Variants in TTLL11 observed in about 807,000 individuals in gnomAD.
The protein encoded by TTLL11 is tubulin polyglutamylase TTLL11.
TTLL11 carries 42 observed loss-of-function variants against 51.7 expected under a neutral mutation model. The ratio of observed to expected loss-of-function variants is 0.81; its 90% CI spans 0.64 to 1.05. TTLL11 has a LOEUF of 1.05. Ranked by LOEUF, TTLL11 falls within the 50% of genes least tolerant of loss-of-function variation. The pLI, the probability that TTLL11 is intolerant of heterozygous loss-of-function variation, is 0.00. For missense variants in TTLL11, 799 were observed against 940.4 expected (o/e 0.85, Z 1.97); for synonymous variants, 381 against 383.5 (o/e 0.99, Z 0.08).
intron 7 of TTLL11, among the ~76,000 whole-genome samples, chr9:121,869,485 T>A (rs1838279046): frequency 6.6e-6 from 1 of 152,230 alleles, no homozygotes; most frequent in Non-Finnish European, 1.5e-5. Flanking sequence ...TGCTAAGGAA[T>A]AATTCACTGT....
intron 3 of TTLL11, among the ~76,000 whole-genome samples, chr9:122,013,194 T>C (rs538429409): frequency 6.6e-6 from 1 of 152,286 alleles, no homozygotes; most frequent in East Asian, 1.9e-4. Context: ...AAGAAAGGAT[T>C]TCAACCCAGG....
chr9:121,826,296 GTA>G (rs1166246249), intron 8 of TTLL11, among the ~76,000 whole-genome samples: 28 of 90,232 alleles, frequency 3.1e-4, no homozygotes, highest in Non-Finnish European at 4.4e-4. Flanking sequence ...GTGTGTGGGT[GTA>G]TATATATATA....
rs1842919124 is a variant in TTLL11, at chr9:121,985,503, A to ATTTTT, written c.1269+3691_1269+3692insAAAAA. Among the ~76,000 whole-genome samples the ATTTTT allele has an allele frequency of 2.2e-5, 3 of 134,362 alleles. No individual in the cohort carries two copies. In the Admixed American group the frequency reaches 2.3e-4, roughly 10 times the overall value. 88.1% of individuals were successfully genotyped at this position (134,362 alleles called of 152,430 possible). On this transcript the variant is annotated intron_variant, in intron 4 of 8. Coordinates refer to ENST00000321582, the MANE Select transcript of TTLL11 (RefSeq NM_001139442.2). The stretch of plus-strand genomic sequence containing the variant: ...AGGGCTCCAAGGAGAAAAGGATACC[A>ATTTTT]TTTTCTTTTCTTTTTTTTTTTTTTT...
chr9:122,037,261 A>G (rs539397029), intron 2 of TTLL11, among the ~76,000 whole-genome samples: 2 of 152,332 alleles, frequency 1.3e-5, no homozygotes, highest in East Asian at 3.9e-4. Context: ...TTTAAGTGGC[A>G]TCACAAAGCA....
chr9:121,973,919 T>G lies in TTLL11; in HGVS notation c.1481+90A>C, dbSNP rs1309137707. ...AAGATGTAAATCTCACTCACAATGGTAACAGGTTCCAAGAACTTACCTGCT... is the reference window on the plus strand; with the variant it reads ...AAGATGTAAATCTCACTCACAATGGGAACAGGTTCCAAGAACTTACCTGCT... On this transcript the variant is annotated intron_variant, in intron 6 of 8. Coordinates refer to ENST00000321582, the MANE Select transcript of TTLL11 (RefSeq NM_001139442.2). 23 of 794,938 alleles carry G rather than the reference T, an allele frequency of 2.9e-5. 1 individual carries two copies. The highest frequency in any genetic ancestry group is 3.8e-5 in the Non-Finnish European group (19 of 498,888). The allele number at this position is 794,938 out of a possible 1,614,324, so 49.2% of individuals were successfully genotyped here. A position where few individuals can be genotyped will look rare whatever the true frequency, so the allele number is the denominator to read the frequency against.
intron 6 of TTLL11, among the ~76,000 whole-genome samples, chr9:121,893,140 T>C (rs1839319500): frequency 6.6e-6 from 1 of 152,228 alleles, no homozygotes; most frequent in South Asian, 2.1e-4. Flanking sequence ...TTTCCTATTT[T>C]ATGCCTTTAA....
chr9:122,006,232 T>G (rs749962987), intron 3 of TTLL11, among the ~76,000 whole-genome samples: 1 of 151,608 alleles, frequency 6.6e-6, no homozygotes, highest in Non-Finnish European at 1.5e-5. Flanking sequence ...TCCCAACTAC[T>G]CAGGAGGCTG....
At chr9:121,897,640 A>ACACACACACACACACACACACGCGCGCG (rs111331446) in intron 6 of TTLL11, among the ~76,000 whole-genome samples, 5 of 139,292 alleles carry the variant, frequency 3.6e-5, no homozygotes, top group Non-Finnish European at 3.1e-5. Flanking sequence ...ACACACACAC[A>ACACACACACACACACACACACGCGCGCG]CGCGCGCGCG....
intron 2 of TTLL11, among the ~76,000 whole-genome samples, chr9:122,038,505 C>A (rs1201525217): frequency 6.6e-6 from 1 of 151,968 alleles, no homozygotes; most frequent in Non-Finnish European, 1.5e-5. Flanking sequence ...CAAAATTAGC[C>A]GGGTATGGTG....
intron 8 of TTLL11, among the ~76,000 whole-genome samples, chr9:121,826,172 AT>A (rs1836745407): frequency 6.0e-5 from 6 of 99,912 alleles, no homozygotes; most frequent in Admixed American, 1.2e-4. Flanking sequence ...ATATATATAT[AT>A]AACCAGTAAC....
At chr9:122,016,090 A>G (rs986431879) in intron 3 of TTLL11, among the ~76,000 whole-genome samples, 1 of 152,338 alleles carries the variant, frequency 6.6e-6, no homozygotes, top group Admixed American at 6.5e-5. Flanking sequence ...TCGGGGGCAG[A>G]GTAGGCTTTA....
intron 8 of TTLL11, among the ~76,000 whole-genome samples, chr9:121,826,557 G>GTATATA (rs1171227988): frequency 0.013 from 654 of 51,320 alleles, 23 homozygotes; most frequent in African/African-American, 0.041. Context: ...ATATGTGTGT[G>GTATATA]TATATATATA....
At chr9:121,943,036 G>A (rs1268026309) in intron 6 of TTLL11, among the ~76,000 whole-genome samples, 1 of 152,194 alleles carries the variant, frequency 6.6e-6, no homozygotes, top group Admixed American at 6.5e-5. Flanking sequence ...CATGTGAGAT[G>A]TGAATGAAGA....
chr9:122,004,078 C>T (rs780094769), intron 3 of TTLL11, among the ~76,000 whole-genome samples: 18 of 151,630 alleles, frequency 1.2e-4, no homozygotes, highest in Non-Finnish European at 2.4e-4. Flanking sequence ...GCCGAGACCA[C>T]GCCATTACAC....
intron 8 of TTLL11, among the ~76,000 whole-genome samples, chr9:121,860,014 C>T (rs564081055): frequency 6.6e-6 from 1 of 152,198 alleles, no homozygotes; most frequent in African/African-American, 2.4e-5. Flanking sequence ...AAGCACTATA[C>T]CCTCCAGCCC....
At chr9:122,030,207 G>GT (rs971853328) in intron 3 of TTLL11, among the ~76,000 whole-genome samples, 7 of 146,632 alleles carry the variant, frequency 4.8e-5, no homozygotes, top group African/African-American at 1.7e-4. Context: ...GACATTGGGG[G>GT]GGGGGGGGTA....
chr9:122,045,775 T>G (rs1189545013), intron 1 of TTLL11, among the ~76,000 whole-genome samples: 2 of 152,192 alleles, frequency 1.3e-5, no homozygotes, highest in Non-Finnish European at 2.9e-5. Context: ...GATGTGATGC[T>G]AAGTGAATGA....
chr9:122,061,300 C>A (rs1368798420), intron 1 of TTLL11, among the ~76,000 whole-genome samples: 1 of 152,196 alleles, frequency 6.6e-6, no homozygotes, highest in Non-Finnish European at 1.5e-5. Flanking sequence ...TTCACAGATA[C>A]TGGTTAGGGC....
intron 6 of TTLL11, among the ~76,000 whole-genome samples, chr9:121,941,767 G>A (rs1841480466): frequency 6.6e-6 from 1 of 152,024 alleles, no homozygotes; most frequent in Non-Finnish European, 1.5e-5. Flanking sequence ...TGTCCCCCAG[G>A]GATATTTGTG....
Sources: gnomAD v4.1 joint callset for allele counts (sites outside exome capture counted in the v4.1 genomes callset) on GRCh38, gnomAD v4.1.1 for gene constraint, MANE v1.5 for transcripts, NCBI Gene and HGNC (gene_info 2026-07-23, HGNC 2026-07-21) for gene names.